Variants in SYNE2 observed in about 807,000 individuals in gnomAD.
SYNE2 encodes the protein spectrin repeat containing nuclear envelope protein 2.
In SYNE2, 431 loss-of-function variants were observed where a neutral mutation model predicts 856.3. The observed-to-expected ratio is 0.50, with a 90% CI of 0.47 to 0.55. SYNE2 has a LOEUF of 0.55. SYNE2 is among the 20% of genes least tolerant of loss of function. The probability of loss-of-function intolerance (pLI) is 0.00; values close to 1 mark genes in which losing one functional copy is unlikely to be tolerated. For missense variants in SYNE2, 8,129 were observed against 8,023.2 expected (o/e 1.01, Z -0.50); for synonymous variants, 2,923 against 2,872.3 (o/e 1.02, Z -0.56).
At chr14:64,001,167 C>A (rs1206468118) in intron 28 of SYNE2, among the ~76,000 whole-genome samples, 1 of 152,158 alleles carries the variant, frequency 6.6e-6, no homozygotes, top group Non-Finnish European at 1.5e-5. Flanking sequence ...TATTACTTAC[C>A]TATGGTCACA....
intron 53 of SYNE2, 23 bp from the exon 54 acceptor site, chr14:64,075,922 T>G: frequency 1.2e-6 from 2 of 1,613,132 alleles, no homozygotes; most frequent in Non-Finnish European, 1.7e-6. Context: ...TCGTGAGTAT[T>G]GCAACTCTCT....
At chr14:64,110,588 A>ACCCCCCCCCCC (rs11315645) in intron 65 of SYNE2, among the ~76,000 whole-genome samples, 7 of 75,364 alleles carry the variant, frequency 9.3e-5, no homozygotes, top group African/African-American at 1.7e-4. Context: ...TACTTTTTAC[A>ACCCCCCCCCCC]CCCCCCCCCC....
intron 11 of SYNE2, among the ~76,000 whole-genome samples, chr14:63,969,577 G>A (rs1031796891): frequency 3.3e-5 from 5 of 151,694 alleles, no homozygotes; most frequent in East Asian, 1.9e-4. Flanking sequence ...TCCTGACCTC[G>A]TGATCCACCC....
chr14:63,991,180 A>T lies in SYNE2; in HGVS notation c.2646+65A>T. 3 of 1,502,010 alleles carry T rather than the reference A, an allele frequency of 2.0e-6. No homozygotes were observed. In the Admixed American group the frequency reaches 5.3e-5, roughly 27 times the overall value. The allele number at this position is 1,502,010 out of a possible 1,614,324, so 93.0% of individuals were successfully genotyped here. A position where few individuals can be genotyped will look rare whatever the true frequency, so the allele number is the denominator to read the frequency against. On this transcript the variant is annotated intron_variant, in intron 21 of 115. Transcript: ENST00000555002. ...TTAACTGCCTATCTTGTTTGAAATC[A>T]AGATGTTTCCTTCACTGTAATTATA...
At position 63,778,035 on chromosome 14, in the gene SYNE2, G is replaced by T. The variant is rs538624384; in HGVS notation, c.-305+16049G>T. ...TAACTATGTGAGGCAATGGATATAT[G>T]ATATGATATGGTTAGGCTTTATGTC... On this transcript the variant is annotated intron_variant, in intron 1 of 23. Coordinates refer to the SYNE2 transcript ENST00000674003. Among the ~76,000 whole-genome samples the T allele has an allele frequency of 1.1e-4, 16 of 152,240 alleles. No individual in the cohort carries two copies. The East Asian group carries it at 1.5e-3, about 15-fold the overall frequency.
intron 1 of SYNE2, among the ~76,000 whole-genome samples, chr14:63,882,988 CTG>C (rs1211700250): frequency 4.2e-4 from 48 of 115,554 alleles, no homozygotes; most frequent in African/African-American, 1.2e-3. Flanking sequence ...AGTAAGCACT[CTG>C]TTTTTTTTTT....
chr14:64,137,354 C>T (rs143626215), intron 78 of SYNE2, among the ~76,000 whole-genome samples: 54 of 152,046 alleles, frequency 3.6e-4, no homozygotes, highest in Non-Finnish European at 3.7e-4. Flanking sequence ...TGTGCGCCAC[C>T]AAGTCCCGCC....
At chr14:63,987,016 G>C (rs772710951) in intron 19 of SYNE2, among the ~76,000 whole-genome samples, 2 of 152,108 alleles carry the variant, frequency 1.3e-5, no homozygotes, top group Non-Finnish European at 2.9e-5. Flanking sequence ...CACTTTGGGC[G>C]GTTGAAGTGG....
intron 76 of SYNE2, 80 bp downstream of exon 76, chr14:64,130,328 C>A (rs1284654932): frequency 1.6e-6 from 2 of 1,241,502 alleles, no homozygotes; most frequent in East Asian, 2.5e-5. Flanking sequence ...AGAAAGGATC[C>A]ATTTTTCTTC....
intron 32 of SYNE2, among the ~76,000 whole-genome samples, chr14:64,011,663 C>T (rs2096846520): frequency 6.6e-6 from 1 of 152,186 alleles, no homozygotes; most frequent in Admixed American, 6.5e-5. Flanking sequence ...TGCAAATCCT[C>T]CTCACTTCTG....
intron 1 of SYNE2, among the ~76,000 whole-genome samples, chr14:63,894,409 A>G (rs1477936305): frequency 1.3e-5 from 2 of 151,966 alleles, no homozygotes; most frequent in Middle Eastern, 3.2e-3. Context: ...TTTTCTAGAA[A>G]TGGCATTTTG....
chr14:64,025,001 A>G lies in SYNE2; in HGVS notation c.5930A>G (p.Glu1977Gly). ...ATGGAAGAACCAGGGGAGAAAACTG[A>G]GCTGTTCTGCCAAGCTTTAGCTAGA... ...KGMEEPGEKT[E>G]LFCQALARKR... Residue 1977 changes from glutamate to glycine, a missense_variant, in exon 40 of 116, where the codon GAG becomes GGG. Coordinates refer to ENST00000555002, the MANE Select transcript of SYNE2 (RefSeq NM_182914.3). 6.2e-7 allele frequency: 1 copy of G among 1,614,076 alleles called. No individual in the cohort carries two copies. Among genetic ancestry groups the G allele is most frequent in the Middle Eastern group, 1.7e-4 (1 of 6,058 alleles).
chr14:63,885,791 A>G (rs1235395618), intron 1 of SYNE2, among the ~76,000 whole-genome samples: 2 of 152,182 alleles, frequency 1.3e-5, no homozygotes, highest in African/African-American at 4.8e-5. Flanking sequence ...TGCTAGCTAT[A>G]TACGCATTCA....
chr14:63,900,695 G>A (rs2095325643), intron 1 of SYNE2, among the ~76,000 whole-genome samples: 1 of 152,134 alleles, frequency 6.6e-6, no homozygotes, highest in Non-Finnish European at 1.5e-5. Flanking sequence ...CCAGGAGGAG[G>A]GAATAGAGTG....
chr14:64,190,998 G>A (rs2139646828), intron 99 of SYNE2: 1 of 702,278 alleles, frequency 1.4e-6, no homozygotes, highest in East Asian at 2.7e-5. Context: ...TTGTGCAGCT[G>A]TGCTTCCACT....
intron 1 of SYNE2, among the ~76,000 whole-genome samples, chr14:63,828,417 A>T (rs1184371058): frequency 6.6e-6 from 1 of 152,058 alleles, no homozygotes; most frequent in African/African-American, 2.4e-5. Flanking sequence ...AGGCGGGTGG[A>T]TCACCTGAGG....
At position 63,803,631 on chromosome 14, in the gene SYNE2, T is replaced by C. The variant is rs112680484; in HGVS notation, c.-305+41645T>C. On this transcript the variant is annotated intron_variant, in intron 1 of 23. Transcript: ENST00000674003. ...CAAGCACGCACGCAGCCCCGGTTCC[T>C]GCTCGCGCCTCTCCCTCCACACCTT... is the stretch of plus-strand genomic sequence containing the variant. Among the ~76,000 whole-genome samples the C allele has an allele frequency of 1.3e-3, 191 of 152,312 alleles. 2 individuals are homozygous for C. Among genetic ancestry groups the C allele is most frequent in the African/African-American group, 4.4e-3 (182 of 41,588 alleles).
intron 84 of SYNE2, 59 bp from the exon 85 acceptor site, chr14:64,152,505 A>C (rs1172953742): frequency 3.2e-6 from 5 of 1,567,848 alleles, no homozygotes; most frequent in Non-Finnish European, 4.4e-6. Flanking sequence ...TGTCTCTGAC[A>C]CCTTATTAAT....
At chr14:63,849,318 T>G (rs181390610), upstream of SYNE2, among the ~76,000 whole-genome samples, 84 of 149,498 alleles carry the variant, frequency 5.6e-4, no homozygotes, top group African/African-American at 1.9e-3. Context: ...GAATAAGTAA[T>G]GAGATGGTCT....
Sources: gnomAD v4.1 joint callset for allele counts (sites outside exome capture counted in the v4.1 genomes callset) on GRCh38, gnomAD v4.1.1 for gene constraint, MANE v1.5 for transcripts, NCBI Gene and HGNC (gene_info 2026-07-23, HGNC 2026-07-21) for gene names.